The following LPCAT1 variants were observed in gnomAD, a reference collection of about 807,000 sequenced individuals.
LPCAT1 encodes the protein lysophosphatidylcholine acyltransferase 1.
A neutral mutation model predicts 60.9 loss-of-function variants in LPCAT1; 23 were observed. The observed-to-expected ratio is 0.38, with a 90% confidence interval of 0.27 to 0.53. LPCAT1 has a LOEUF of 0.53. Ranked by LOEUF, LPCAT1 falls within the 20% of genes least tolerant of loss-of-function variation. The probability of loss-of-function intolerance (pLI) is 0.82; values close to 1 mark genes in which losing one functional copy is unlikely to be tolerated. For missense variants in LPCAT1, 622 were observed against 723.6 expected (o/e 0.86, Z 1.61); for synonymous variants, 340 against 301.1 (o/e 1.13, Z -1.34).
rs744299 is a variant in LPCAT1, at chr5:1,496,897, C to A, written c.279-1983G>T. 2.6e-4 allele frequency among the ~76,000 whole-genome samples: 39 copies of A among 152,320 alleles called. No individual in the cohort carries two copies. In the East Asian group the frequency reaches 4.8e-3, roughly 19 times the overall value. On this transcript the variant is annotated intron_variant, in intron 2 of 13. Coordinates refer to ENST00000283415, the MANE Select transcript of LPCAT1 (RefSeq NM_024830.5). The surrounding 1 kb of genome is among the most constrained non-coding windows in gnomAD (Gnocchi z 4.7). ...CCAGGGTGCTCAGGTGCCTGGGCAG[C>A]CCATTCCCAGGGGAATGTGAATCAG... is the stretch of plus-strand genomic sequence containing the variant.
At chr5:1,505,288 G>A (rs371566270) in intron 1 of LPCAT1, among the ~76,000 whole-genome samples, 41 of 149,750 alleles carry the variant, frequency 2.7e-4, no homozygotes, top group South Asian at 1.3e-3. Context: ...AAACAGCACC[G>A]ACTGCAACAC....
At position 1,521,527 on chromosome 5, in the gene LPCAT1, G is replaced by T; in HGVS notation, c.135+2183C>A. 1.0e-6 allele frequency: 1 copy of T among 979,468 alleles called. No individual in the cohort carries two copies. Among genetic ancestry groups the T allele is most frequent in the East Asian group, 1.1e-4 (1 of 8,780 alleles). The allele number at this position is 979,468 out of a possible 1,614,324, so 60.7% of individuals were successfully genotyped here. A position where few individuals can be genotyped will look rare whatever the true frequency, so the allele number is the denominator to read the frequency against. On this transcript the variant is annotated intron_variant, in intron 1 of 13. Transcript: ENST00000283415. The surrounding 1 kb of genome is among the most constrained non-coding windows in gnomAD (Gnocchi z 4.3). ...CAAAGTAAAAGCTTTGCAAAGCAATGCTTGGTGAAAAGCAAAATGTTTCTG... is the reference window on the plus strand; with the variant it reads ...CAAAGTAAAAGCTTTGCAAAGCAATTCTTGGTGAAAAGCAAAATGTTTCTG...
At chr5:1,474,428 A>G in intron 10 of LPCAT1, 132 bp downstream of exon 10, 2 of 1,243,756 alleles carry the variant, frequency 1.6e-6, no homozygotes, top group Admixed American at 2.7e-5. Flanking sequence ...GCTTAAGTTG[A>G]TATTTGAAAA....
At chr5:1,486,306 CA>C (rs1735368596) in intron 5 of LPCAT1, among the ~76,000 whole-genome samples, 1 of 152,158 alleles carries the variant, frequency 6.6e-6, no homozygotes, top group Admixed American at 6.5e-5. Context: ...TGGGTCAGAA[CA>C]GGGGGACTCA....
intron 1 of LPCAT1, among the ~76,000 whole-genome samples, chr5:1,512,484 T>C (rs1378693187): frequency 6.6e-6 from 1 of 152,220 alleles, no homozygotes; most frequent in Admixed American, 6.5e-5. Flanking sequence ...GCAAGCACCC[T>C]GCAGTCACTG....
chr5:1,469,252 A>G (rs1398679915), intron 12 of LPCAT1, among the ~76,000 whole-genome samples: 1 of 152,102 alleles, frequency 6.6e-6, no homozygotes, highest in Non-Finnish European at 1.5e-5. Context: ...AAGACCTCCT[A>G]GTGGCACATA....
intron 13 of LPCAT1, 105 bp from the exon 14 acceptor site, chr5:1,463,940 C>G: frequency 6.0e-6 from 7 of 1,161,176 alleles, no homozygotes; most frequent in Non-Finnish European, 8.7e-6. Context: ...CTCACGCCCT[C>G]CAGGGAGGGT....
In LPCAT1 at chr5:1,463,409, G is replaced by C. The variant is rs1039042606; in HGVS notation, c.*242C>G. The C allele has an allele frequency of 1.2e-5, 6 of 509,170 alleles. No individual in the cohort carries two copies. Among genetic ancestry groups the C allele is most frequent in the African/African-American group, 1.2e-4 (6 of 51,160 alleles). 31.5% of individuals were successfully genotyped at this position (509,170 alleles called of 1,614,324 possible). On this transcript the variant is annotated 3_prime_UTR_variant, in exon 14 of 14. Transcript: ENST00000283415. ...GCCCGGCAGGGAACCTGACCCCACG[G>C]GGTCCAGGCCAGGCGGGGGATCCGC...
At position 1,481,933 on chromosome 5, in the gene LPCAT1, G is replaced by A. The variant is rs1379164597; in HGVS notation, c.727-957C>T. On this transcript the variant is annotated intron_variant, in intron 6 of 13. Transcript: ENST00000283415. This position sits in a 1 kb window ranked among gnomAD's most constrained non-coding sequence, Gnocchi z 7.8. ...GACGGGACAGGCCCTGAGGCGGATG[G>A]CCCAGAACCCTGGCACCCAGAGGTC... is the stretch of plus-strand genomic sequence containing the variant. Among the ~76,000 whole-genome samples the A allele has an allele frequency of 6.6e-6, 1 of 152,250 alleles. No individual in the cohort carries two copies. Among genetic ancestry groups the A allele is most frequent in the African/African-American group, 2.4e-5 (1 of 41,474 alleles).
At position 1,523,957 on chromosome 5, in the gene LPCAT1, C is replaced by G. The variant is rs1482278862; in HGVS notation, c.-113G>C. On this transcript the variant is annotated 5_prime_UTR_variant, in exon 1 of 14. Coordinates refer to ENST00000283415, the MANE Select transcript of LPCAT1 (RefSeq NM_024830.5). This position sits in a 1 kb window ranked among gnomAD's most constrained non-coding sequence, Gnocchi z 7.1. ...GGCCGAGGATGCGCGGCGGCTGGAG[C>G]GGGCCGGGCGCGCAGGCGCGGGAGG... 1 of 767,376 alleles carries G rather than the reference C, an allele frequency of 1.3e-6. No individual in the cohort carries two copies. The highest frequency in any genetic ancestry group is 1.6e-6 in the Non-Finnish European group (1 of 630,544). 47.5% of individuals were successfully genotyped at this position (767,376 alleles called of 1,614,324 possible).
In LPCAT1 at chr5:1,487,548, G is replaced by A. The variant is rs11133793; in HGVS notation, c.667+843C>T. Among the ~76,000 whole-genome samples, 37,679 of 152,016 alleles carry A rather than the reference G, an allele frequency of 0.25. 5,142 individuals carry two copies. Among genetic ancestry groups the A allele is most frequent in the East Asian group, 0.43 (2,186 of 5,140 alleles). On this transcript the variant is annotated intron_variant, in intron 5 of 13. Coordinates refer to ENST00000283415, the MANE Select transcript of LPCAT1 (RefSeq NM_024830.5). This position sits in a 1 kb window ranked among gnomAD's most constrained non-coding sequence, Gnocchi z 6.1. The stretch of plus-strand genomic sequence containing the variant: ...CGGCGGCACACGTAGGTGAGTGACT[G>A]CACACTTTCTCGACCCAGCTCCCAT...
In LPCAT1 at chr5:1,463,584, C is replaced by T; in HGVS notation, c.*67G>A. ...AGTGAGGAGCGGAGCCCAGAGGTCA[C>T]TCGCAAAGAGGCTCATGGCGGTGAT... On this transcript the variant is annotated 3_prime_UTR_variant, in exon 14 of 14. Coordinates refer to ENST00000283415, the MANE Select transcript of LPCAT1 (RefSeq NM_024830.5). The T allele has an allele frequency of 6.4e-7, 1 of 1,560,664 alleles. No homozygotes were observed. The highest frequency in any genetic ancestry group is 2.3e-5 in the East Asian group (1 of 44,194).
At chr5:1,474,834 C>A in intron 9 of LPCAT1, 149 bp from the exon 10 acceptor site, 1 of 1,036,992 alleles carries the variant, frequency 9.6e-7, no homozygotes, top group Non-Finnish European at 1.4e-6. Context: ...GGCAGTCACA[C>A]ATTCATCGAT....
In LPCAT1 at chr5:1,463,787, T is replaced by A. The variant is rs559330897; in HGVS notation, c.1469A>T (p.Tyr490Phe). ...GAAATGTGTCTGATCCGGGTACAGG[T>A]ATTCCTCTGCGAAGGCAGGGTACAT... Reference protein sequence around the residue: ...AEMYPAFAEEYLYPDQTHFES... With the variant: ...AEMYPAFAEEFLYPDQTHFES... Residue 490 changes from tyrosine (Y) to phenylalanine (F), a missense_variant, in exon 14 of 14, where the codon TAC becomes TTC. Coordinates refer to ENST00000283415, the MANE Select transcript of LPCAT1 (RefSeq NM_024830.5). 1.2e-6 allele frequency: 2 copies of A among 1,614,202 alleles called. No homozygotes were observed. The highest frequency in any genetic ancestry group is 2.2e-5 in the South Asian group (2 of 91,088).
rs374659551 is a variant in LPCAT1 at position 1,497,006 on chromosome 5, G to A, written c.279-2092C>T. Among the ~76,000 whole-genome samples the A allele has an allele frequency of 1.1e-3, 166 of 152,246 alleles. 1 individual carries two copies. In the Middle Eastern group the frequency reaches 0.014, roughly 12 times the overall value. ...CCACTCCGTCCTACCGCCCTCACACGGACGACACCCAAGAATCCTGAGACG... is the reference window on the plus strand; with the variant it reads ...CCACTCCGTCCTACCGCCCTCACACAGACGACACCCAAGAATCCTGAGACG... On this transcript the variant is annotated intron_variant, in intron 2 of 13. Coordinates refer to ENST00000283415, the MANE Select transcript of LPCAT1 (RefSeq NM_024830.5).
At chr5:1,517,527 A>G (rs4371798) in intron 1 of LPCAT1, among the ~76,000 whole-genome samples, 29,806 of 152,250 alleles carry the variant, frequency 0.2, 3,106 homozygotes, top group Middle Eastern at 0.32. Flanking sequence ...CTGCCCCTGC[A>G]GGCACAGGAG....
rs1057461220 is a variant in LPCAT1 at position 1,480,324 on chromosome 5, C to T, written c.761+618G>A. Reference sequence around the variant, plus strand: ...CAACACCTTCACCTGAAAGCACCAGCGGACCCACATCCTCCCAAACGCCTG... The same window carrying T: ...CAACACCTTCACCTGAAAGCACCAGTGGACCCACATCCTCCCAAACGCCTG... On this transcript the variant is annotated intron_variant, in intron 7 of 13. Coordinates refer to ENST00000283415, the MANE Select transcript of LPCAT1 (RefSeq NM_024830.5). This position sits in a 1 kb window ranked among gnomAD's most constrained non-coding sequence, Gnocchi z 6.4. 1.6e-5 allele frequency: 16 copies of T among 984,928 alleles called. 1 individual carries two copies. The highest frequency in any genetic ancestry group is 5.2e-4 in the Middle Eastern group (1 of 1,936). 61.0% of individuals were successfully genotyped at this position (984,928 alleles called of 1,614,324 possible).
rs551943495 is a variant in LPCAT1, at chr5:1,483,966, T to TG, written c.668-481dup. ...CCAGCTGGAAGGCGTTGGTGGGAAG[T>TG]GGGGGTCCTCATCACCGGCCAATGC... On this transcript the variant is annotated intron_variant, in intron 5 of 13. Transcript: ENST00000283415. The surrounding 1 kb of genome is among the most constrained non-coding windows in gnomAD (Gnocchi z 9.2). Among the ~76,000 whole-genome samples, 242 of 152,276 alleles carry TG rather than the reference T, an allele frequency of 1.6e-3. 1 individual carries two copies. The highest frequency in any genetic ancestry group is 5.6e-3 in the African/African-American group (233 of 41,560).
At position 1,463,744 on chromosome 5, in the gene LPCAT1, G is replaced by T. The variant is rs753703066; in HGVS notation, c.1512C>A (p.Thr504=). The T allele has an allele frequency of 3.7e-6, 6 of 1,614,144 alleles. No individual in the cohort carries two copies. The Admixed American group carries it at 8.3e-5, about 22-fold the overall frequency. ...AGCCGTTTGGGATTGGCGCAGGTGA[G>T]GTCTCTGCACAGCTTTCGAAATGTG... ...DQTHFESCAE[T]SPAPIPNGFC... is the part of the protein sequence containing the mutation. The change falls in exon 14 of 14, where the codon ACC becomes ACA. Residue 504 remains threonine (T), a synonymous_variant. Coordinates refer to ENST00000283415, the MANE Select transcript of LPCAT1 (RefSeq NM_024830.5).
Sources: gnomAD v4.1 joint callset for allele counts (sites outside exome capture counted in the v4.1 genomes callset) on GRCh38, gnomAD v4.1.1 for gene constraint, Gnocchi (gnomAD v3.1) non-coding constraint, MANE v1.5 for transcripts, NCBI Gene and HGNC (gene_info 2026-07-23, HGNC 2026-07-21) for gene names.